The following RALGAPB variants were observed in gnomAD, a reference collection of about 807,000 sequenced individuals.
RALGAPB encodes ral GTPase-activating protein subunit beta.
Under a neutral mutation model 161.1 loss-of-function variants are expected in RALGAPB, and 25 were observed. That is an observed-to-expected ratio of 0.16 (90% CI 0.11 to 0.22). The LOEUF (loss-of-function observed/expected upper bound fraction) is 0.22, where lower values mean the gene tolerates loss of function less well. Among genes scored for constraint, RALGAPB ranks in the 10% least tolerant of loss-of-function variants. The probability of loss-of-function intolerance (pLI) is 1.00; values close to 1 mark genes in which losing one functional copy is unlikely to be tolerated. For missense variants in RALGAPB, 1,391 were observed against 1,815.2 expected (o/e 0.77, Z 4.25); for synonymous variants, 629 against 626.1 (o/e 1.00, Z -0.07).
chr20:38,560,216 G>T (rs2087739957), intron 23 of RALGAPB, among the ~76,000 whole-genome samples: 1 of 152,034 alleles, frequency 6.6e-6, no homozygotes, highest in Non-Finnish European at 1.5e-5. Context: ...TAAAACTACT[G>T]CATAGAAGGG....
chr20:38,567,471 A>G (rs916332195), intron 26 of RALGAPB, among the ~76,000 whole-genome samples: 2 of 152,104 alleles, frequency 1.3e-5, no homozygotes, highest in Non-Finnish European at 2.9e-5. Flanking sequence ...CCCGTACTTG[A>G]TTCTCTCATC....
chr20:38,497,624 T>C (rs982737729), intron 4 of RALGAPB, 108 bp downstream of exon 4: 4 of 1,209,582 alleles, frequency 3.3e-6, no homozygotes, highest in Non-Finnish European at 4.6e-6. Context: ...GGCATGATGG[T>C]TTACAAACAA....
At chr20:38,501,799 A>G (rs1465974216) in intron 5 of RALGAPB, among the ~76,000 whole-genome samples, 1 of 152,216 alleles carries the variant, frequency 6.6e-6, no homozygotes, top group Non-Finnish European at 1.5e-5. Flanking sequence ...TCAATTAAAA[A>G]TAGTGGAAAA....
intron 3 of RALGAPB, among the ~76,000 whole-genome samples, chr20:38,495,872 C>T (rs1303189911): frequency 6.6e-6 from 1 of 152,100 alleles, no homozygotes; most frequent in African/African-American, 2.4e-5. Flanking sequence ...CCTTTCCTGT[C>T]ATTGGGCAAA....
intron 19 of RALGAPB, 72 bp downstream of exon 19, chr20:38,546,502 G>A (rs981921801): frequency 1.3e-6 from 2 of 1,584,284 alleles, no homozygotes; most frequent in Non-Finnish European, 1.7e-6. Context: ...CTGTTTCCAG[G>A]ATCAGGGAAG....
intron 25 of RALGAPB, 99 bp from the exon 26 acceptor site, chr20:38,566,997 A>G: frequency 6.8e-7 from 1 of 1,471,842 alleles, no homozygotes; most frequent in Non-Finnish European, 9.0e-7. Flanking sequence ...TGCTTTGTTT[A>G]AGTGATTTAG....
intron 16 of RALGAPB, 46 bp from the exon 17 acceptor site, chr20:38,539,730 G>T: frequency 6.3e-7 from 1 of 1,583,986 alleles, no homozygotes; most frequent in Non-Finnish European, 8.6e-7. Flanking sequence ...AATTGGTACA[G>T]TAATTCCTGG....
At chr20:38,502,311 A>G (rs1041386674) in intron 5 of RALGAPB, among the ~76,000 whole-genome samples, 4 of 152,192 alleles carry the variant, frequency 2.6e-5, no homozygotes, top group African/African-American at 4.8e-5. Flanking sequence ...ATTTTTCGTC[A>G]TATTTAATTT....
rs146485813 is a variant in RALGAPB, at chr20:38,513,138, C to T, written c.873-3054C>T. Among the ~76,000 whole-genome samples the T allele has an allele frequency of 9.3e-3, 1,405 of 151,578 alleles. 24 individuals are homozygous for T. The highest frequency in any genetic ancestry group is 0.032 in the African/African-American group (1,341 of 41,378). On this transcript the variant is annotated intron_variant, in intron 6 of 29. Transcript: ENST00000262879. ...ATAATAGCACTTTTGGAGGCCAACG[C>T]GGGTAGATCACCCAAGCTTAGGAGT...
Position 38,546,353 on chromosome 20 carries a change from A to C in RALGAPB, c.2825A>C (p.Lys942Thr). The C allele has an allele frequency of 6.2e-7, 1 of 1,614,124 alleles. No individual in the cohort carries two copies. The highest frequency in any genetic ancestry group is 8.5e-7 in the Non-Finnish European group (1 of 1,180,006). ...IKYSRLPTIN[K>T]HSFRYFVLDN... ...TACTCCAGGCTGCCAACCATAAACA[A>C]GCATAGTTTCCGGTACTTTGTCTTG... Residue 942 changes from lysine (K) to threonine (T), a missense_variant, in exon 19 of 30, where the codon AAG becomes ACG. By Grantham distance (78) the Lys-to-Thr change is moderately conservative. This residue lies in a region of RALGAPB where 946 missense variants were observed against 1,257.2 expected (regional missense o/e 0.75). Coordinates refer to ENST00000262879, the MANE Select transcript of RALGAPB (RefSeq NM_020336.4).
At chr20:38,520,953 G>T (rs925480497) in intron 9 of RALGAPB, among the ~76,000 whole-genome samples, 1 of 152,000 alleles carries the variant, frequency 6.6e-6, no homozygotes. Context: ...CGATTCTTTG[G>T]TGTGTGTTTT....
chr20:38,539,949 T>C lies in RALGAPB; in HGVS notation c.2553T>C (p.Leu851=). The change falls in exon 17 of 30, where the codon CTT becomes CTC. Residue 851 remains leucine, a synonymous_variant. Transcript: ENST00000262879. ...GGCTGACAGAGCACCCTGATATGCT[T>C]GATGAAAAGGTGAGTTTATTTTATT... ...CVWLTEHPDM[L]DEKDCLKEVL... is the part of the protein sequence containing the mutation. 1 of 1,607,522 alleles carries C rather than the reference T, an allele frequency of 6.2e-7. No homozygotes were observed. The highest frequency in any genetic ancestry group is 1.1e-5 in the South Asian group (1 of 89,578).
intron 13 of RALGAPB, among the ~76,000 whole-genome samples, chr20:38,530,479 C>A (rs963189328): frequency 1.3e-5 from 2 of 151,490 alleles, no homozygotes; most frequent in Non-Finnish European, 2.9e-5. Context: ...TGGTCTCAAA[C>A]TCCTAGGACT....
At chr20:38,482,995 T>C (rs1018935426) in intron 1 of RALGAPB, among the ~76,000 whole-genome samples, 6 of 152,180 alleles carry the variant, frequency 3.9e-5, no homozygotes, top group Non-Finnish European at 8.8e-5. Context: ...CAAGTGATCC[T>C]CCCACTTCAG....
At chr20:38,486,282 C>G (rs2085112753) in intron 1 of RALGAPB, among the ~76,000 whole-genome samples, 1 of 151,988 alleles carries the variant, frequency 6.6e-6, no homozygotes, top group African/African-American at 2.4e-5. Context: ...CTATATCTTT[C>G]TATTTTACAT....
intron 26 of RALGAPB, among the ~76,000 whole-genome samples, chr20:38,567,928 T>G (rs1441343600): frequency 6.6e-6 from 1 of 152,114 alleles, no homozygotes; most frequent in African/African-American, 2.4e-5. Context: ...AAAATTGATT[T>G]AGGAAAAAAA....
intron 5 of RALGAPB, among the ~76,000 whole-genome samples, chr20:38,501,032 G>T (rs992974061): frequency 6.6e-6 from 1 of 152,220 alleles, no homozygotes. Flanking sequence ...ACGTGAAAGT[G>T]CAAGCTGAAG....
chr20:38,537,193 A>G (rs1187914142), intron 16 of RALGAPB, among the ~76,000 whole-genome samples: 1 of 152,234 alleles, frequency 6.6e-6, no homozygotes, highest in Admixed American at 6.5e-5. Context: ...TCCATACTTA[A>G]GTGGTCATCT....
intron 21 of RALGAPB, among the ~76,000 whole-genome samples, chr20:38,552,984 G>T (rs1355875552): frequency 6.6e-6 from 1 of 152,144 alleles, no homozygotes; most frequent in Non-Finnish European, 1.5e-5. Flanking sequence ...CTTCAGTTTA[G>T]TTGGGAAGCA....
Sources: gnomAD v4.1 joint callset for allele counts (sites outside exome capture counted in the v4.1 genomes callset) on GRCh38, gnomAD v4.1.1 for gene constraint, gnomAD v4.1.1 regional missense constraint, MANE v1.5 for transcripts, NCBI Gene and HGNC (gene_info 2026-07-23, HGNC 2026-07-21) for gene names.